Variants in PRKACB observed in about 807,000 individuals in gnomAD.
The protein encoded by PRKACB is protein kinase cAMP-activated catalytic subunit beta.
PRKACB carries 16 observed loss-of-function variants against 51.4 expected under a neutral mutation model. The ratio of observed to expected loss-of-function variants is 0.31; its 90% CI spans 0.21 to 0.47. The LOEUF is 0.47. PRKACB is among the 20% of genes least tolerant of loss of function. The pLI is 1.00. For missense variants in PRKACB, 309 were observed against 464.5 expected (o/e 0.67, Z 3.08); for synonymous variants, 147 against 154.4 (o/e 0.95, Z 0.35).
intron 5 of PRKACB, among the ~76,000 whole-genome samples, chr1:84,193,557 T>C (rs1667394123): frequency 6.6e-6 from 1 of 152,184 alleles, no homozygotes; most frequent in African/African-American, 2.4e-5. Flanking sequence ...ACAAAGTTCA[T>C]TGGCACTAGC....
chr1:84,136,595 G>A (rs550635298), intron 1 of PRKACB, among the ~76,000 whole-genome samples: 1 of 151,936 alleles, frequency 6.6e-6, no homozygotes, highest in Non-Finnish European at 1.5e-5. Flanking sequence ...TAATGAAAAT[G>A]GCACAACCAC....
intron 9 of PRKACB, among the ~76,000 whole-genome samples, chr1:84,215,743 T>C (rs1318720124): frequency 1.3e-5 from 2 of 152,216 alleles, no homozygotes; most frequent in Non-Finnish European, 2.9e-5. Context: ...CATTTCACTT[T>C]TGTAATAATT....
At chr1:84,140,652 C>A (rs1280985110), upstream of PRKACB, among the ~76,000 whole-genome samples, 1 of 152,036 alleles carries the variant, frequency 6.6e-6, no homozygotes. Context: ...TATAGGTGAC[C>A]GTCTTAATTA....
At chr1:84,120,135 G>GTT (rs1045929822) in intron 1 of PRKACB, among the ~76,000 whole-genome samples, 12 of 151,990 alleles carry the variant, frequency 7.9e-5, no homozygotes, top group African/African-American at 2.9e-4. Context: ...GGGATTAATT[G>GTT]TTACAGGTAC....
chr1:84,146,140 G>GT (rs149821464), intron 1 of PRKACB, among the ~76,000 whole-genome samples: 5,658 of 145,450 alleles, frequency 0.039, 351 homozygotes, highest in African/African-American at 0.13. Flanking sequence ...ATAAAATGCT[G>GT]TTTTGTTTTT....
At chr1:84,204,929 A>T in intron 8 of PRKACB, 1 of 973,000 alleles carries the variant, frequency 1.0e-6, no homozygotes, top group Non-Finnish European at 1.2e-6. Context: ...ATGAATATAT[A>T]TTCATTTTAT....
At chr1:84,150,935 C>T (rs1654785439) in intron 1 of PRKACB, among the ~76,000 whole-genome samples, 1 of 152,114 alleles carries the variant, frequency 6.6e-6, no homozygotes. Flanking sequence ...CTCCCTCCCC[C>T]TCAGCTTTAT....
intron 1 of PRKACB, among the ~76,000 whole-genome samples, chr1:84,086,897 C>T (rs553558333): frequency 2.0e-5 from 3 of 152,320 alleles, no homozygotes; most frequent in Admixed American, 2.0e-4. Flanking sequence ...TGCCCCTTAA[C>T]TGGCCTGTTG....
rs887266587 is a variant in PRKACB, at chr1:84,212,901, C to T, written c.907-1252C>T. ...AATACCTTCCCTCAGAAGCTCAGAG[C>T]CTGGGGGAGACAGAAATATGCACAA... On this transcript the variant is annotated intron_variant, in intron 8 of 9. Coordinates refer to ENST00000370685, the MANE Select transcript of PRKACB (RefSeq NM_182948.4). Among the ~76,000 whole-genome samples the T allele has an allele frequency of 2.0e-5, 3 of 151,922 alleles. No homozygotes were observed. The East Asian group carries it at 5.8e-4, about 29-fold the overall frequency.
rs540766091 is a variant in PRKACB at position 84,220,596 on chromosome 1, A to G, written c.1071+6279A>G. Among the ~76,000 whole-genome samples the G allele has an allele frequency of 9.7e-4, 147 of 152,174 alleles. 1 individual carries two copies. Among genetic ancestry groups the G allele is most frequent in the Non-Finnish European group, 1.5e-3 (102 of 67,984 alleles). On this transcript the variant is annotated intron_variant, in intron 9 of 9. Transcript: ENST00000370685. ...GAGTTTGTCATATATGACCTTTATT[A>G]TGTTGAGTAATGCCTCTTCTATGCC... is the stretch of plus-strand genomic sequence containing the variant.
chr1:84,126,331 C>T (rs1365124821), intron 1 of PRKACB, among the ~76,000 whole-genome samples: 1 of 152,158 alleles, frequency 6.6e-6, no homozygotes, highest in Non-Finnish European at 1.5e-5. Context: ...GTAGAAGTGG[C>T]TCTTGGCAGG....
chr1:84,125,771 G>A (rs1401443429), intron 1 of PRKACB, among the ~76,000 whole-genome samples: 1 of 152,178 alleles, frequency 6.6e-6, no homozygotes, highest in African/African-American at 2.4e-5. Flanking sequence ...AGGCAGTGAT[G>A]TGTTTCAGAC....
intron 1 of PRKACB, among the ~76,000 whole-genome samples, chr1:84,135,445 T>G (rs1652703917): frequency 6.6e-6 from 1 of 152,204 alleles, no homozygotes; most frequent in Non-Finnish European, 1.5e-5. Flanking sequence ...TAGCATTCAT[T>G]AAATGCTCCA....
intron 2 of PRKACB, chr1:84,181,669 C>G (rs903910109): frequency 8.2e-5 from 124 of 1,507,930 alleles, no homozygotes; most frequent in Middle Eastern, 1.7e-4. Flanking sequence ...CATGCTGCTA[C>G]TATCTAGTTC....
intron 5 of PRKACB, among the ~76,000 whole-genome samples, chr1:84,195,168 T>C (rs1667864263): frequency 6.6e-6 from 1 of 152,228 alleles, no homozygotes; most frequent in Non-Finnish European, 1.5e-5. Context: ...TTTTAATCTC[T>C]GCTTACAATG....
At chr1:84,128,538 G>T (rs1481037092) in intron 1 of PRKACB, among the ~76,000 whole-genome samples, 1 of 152,034 alleles carries the variant, frequency 6.6e-6, no homozygotes, top group Non-Finnish European at 1.5e-5. Flanking sequence ...AAAACGATTT[G>T]AAAAAATATG....
intron 1 of PRKACB, among the ~76,000 whole-genome samples, chr1:84,120,666 G>A (rs1650988517): frequency 6.6e-6 from 1 of 152,008 alleles, no homozygotes; most frequent in African/African-American, 2.4e-5. Flanking sequence ...AAAAAGTTAT[G>A]TCTAAATAAA....
intron 1 of PRKACB, among the ~76,000 whole-genome samples, chr1:84,079,274 A>T (rs1647338336): frequency 6.6e-6 from 1 of 152,208 alleles, no homozygotes; most frequent in Non-Finnish European, 1.5e-5. Flanking sequence ...TTTATAATTC[A>T]GAATGTCCAA....
intron 8 of PRKACB, chr1:84,205,371 T>C (rs1200187911): frequency 1.0e-5 from 7 of 692,056 alleles, no homozygotes; most frequent in Admixed American, 1.3e-4. Context: ...AAAAGCCAAA[T>C]TGGAAACTAA....
Sources: gnomAD v4.1 joint callset for allele counts (sites outside exome capture counted in the v4.1 genomes callset) on GRCh38, gnomAD v4.1.1 for gene constraint, MANE v1.5 for transcripts, NCBI Gene and HGNC (gene_info 2026-07-23, HGNC 2026-07-21) for gene names.